SLC4A4: variants seen among roughly 807,000 people sequenced by gnomAD.
SLC4A4 encodes solute carrier family 4 member 4, also known as electrogenic sodium bicarbonate cotransporter 1.
Under a neutral mutation model 111.5 loss-of-function variants are expected in SLC4A4, and 27 were observed. The observed-to-expected ratio is 0.24, with a 90% CI of 0.18 to 0.33. The LOEUF (loss-of-function observed/expected upper bound fraction) is 0.33. Among genes scored for constraint, SLC4A4 ranks in the 10% least tolerant of loss-of-function variants. The pLI is 1.00. For missense variants in SLC4A4, 909 were observed against 1,315.5 expected, an observed-to-expected ratio of 0.69 and a Z score of 4.78; for synonymous variants, 443 against 463.4, an observed-to-expected ratio of 0.96 and a Z score of 0.57.
At chr4:71,487,123 C>A in intron 15 of SLC4A4, 105 bp downstream of exon 15, 1 of 688,612 alleles carries the variant, frequency 1.5e-6, no homozygotes, top group Admixed American at 2.1e-5. Flanking sequence ...GCAATTCTGG[C>A]ATGAACACAT....
chr4:71,268,136 A>C (rs1348964748), intron 3 of SLC4A4, among the ~76,000 whole-genome samples: 1 of 129,102 alleles, frequency 7.7e-6, no homozygotes, highest in East Asian at 2.6e-4. Flanking sequence ...TGGCATTGAC[A>C]CGTGAGGTGC....
intron 1 of SLC4A4, among the ~76,000 whole-genome samples, chr4:71,084,650 C>T (rs909660328): frequency 1.1e-4 from 17 of 151,998 alleles, no homozygotes; most frequent in Admixed American, 7.2e-4. Context: ...TAAGAACATG[C>T]GGTGTTTGGT....
intron 20 of SLC4A4, among the ~76,000 whole-genome samples, chr4:71,550,798 C>T (rs1735918541): frequency 6.6e-6 from 1 of 151,868 alleles, no homozygotes; most frequent in Admixed American, 6.6e-5. Context: ...GTTGTTTCTC[C>T]TGCCTGTTTA....
intron 1 of SLC4A4, chr4:71,233,151 T>C: frequency 2.7e-6 from 1 of 368,032 alleles, no homozygotes; most frequent in Non-Finnish European, 3.8e-6. Flanking sequence ...TGGATGTGAT[T>C]GCATTAGGCA....
chr4:71,378,514 C>A (rs1219055599), intron 6 of SLC4A4, among the ~76,000 whole-genome samples: 1 of 152,148 alleles, frequency 6.6e-6, no homozygotes, highest in Non-Finnish European at 1.5e-5. Context: ...AACTGATAGA[C>A]AGTCTTTCAT....
At position 71,308,654 on chromosome 4, in the gene SLC4A4, C is replaced by G. The variant is rs145926530; in HGVS notation, c.254-30716C>G. Among the ~76,000 whole-genome samples the G allele has an allele frequency of 1.3e-3, 197 of 152,274 alleles. 6 individuals are homozygous for G. The highest frequency in any genetic ancestry group is 3.4e-3 in the Middle Eastern group (1 of 294). The stretch of plus-strand genomic sequence containing the variant: ...ACTCCCTCCCCTAGCCAAGGAAAGC[C>G]GTGAGGGACTGTGCTATCTGGCCCA... On this transcript the variant is annotated intron_variant, in intron 3 of 25. Transcript: ENST00000264485.
At chr4:71,181,895 T>A (rs1745305615) in intron 2 of SLC4A4, among the ~76,000 whole-genome samples, 1 of 152,210 alleles carries the variant, frequency 6.6e-6, no homozygotes, top group African/African-American at 2.4e-5. Flanking sequence ...GATTCTACAA[T>A]TTCTCACTAT....
intron 1 of SLC4A4, among the ~76,000 whole-genome samples, chr4:71,203,954 G>A (rs1746368062): frequency 1.3e-5 from 2 of 152,122 alleles, no homozygotes; most frequent in Admixed American, 1.3e-4. Flanking sequence ...AGGCAGAAGA[G>A]GAAAGATACC....
At chr4:71,181,568 G>T (rs1219798622) in intron 2 of SLC4A4, among the ~76,000 whole-genome samples, 2 of 152,116 alleles carry the variant, frequency 1.3e-5, no homozygotes, top group East Asian at 3.9e-4. Flanking sequence ...AATTTGTGAA[G>T]CCTGAAATCT....
chr4:71,500,081 A>T (rs1395629936), intron 16 of SLC4A4, among the ~76,000 whole-genome samples: 11 of 152,140 alleles, frequency 7.2e-5, no homozygotes, highest in African/African-American at 2.7e-4. Context: ...CCACATCATC[A>T]CCAACACTTA....
At chr4:71,353,132 G>T (rs1469287076) in intron 5 of SLC4A4, among the ~76,000 whole-genome samples, 1 of 152,146 alleles carries the variant, frequency 6.6e-6, no homozygotes, top group Admixed American at 6.5e-5. Context: ...TATAAGAGAG[G>T]TTAGCCAAGC....
intron 14 of SLC4A4, among the ~76,000 whole-genome samples, chr4:71,482,913 C>A (rs765565027): frequency 4.6e-5 from 7 of 151,594 alleles, no homozygotes; most frequent in Non-Finnish European, 8.9e-5. Context: ...TAAACTATAA[C>A]CCTGGGCAAG....
At chr4:71,327,076 G>C (rs548783074) in intron 3 of SLC4A4, among the ~76,000 whole-genome samples, 1 of 151,982 alleles carries the variant, frequency 6.6e-6, no homozygotes, top group Admixed American at 6.6e-5. Flanking sequence ...TTTATATGTA[G>C]ACTTGTCATG....
At chr4:71,435,894 A>T (rs532926248) in intron 7 of SLC4A4, among the ~76,000 whole-genome samples, 48 of 152,360 alleles carry the variant, frequency 3.2e-4, no homozygotes, top group South Asian at 8.3e-4. Context: ...CGATCATTAA[A>T]AAGTCAGGAA....
intron 1 of SLC4A4, among the ~76,000 whole-genome samples, chr4:71,090,523 T>C (rs755693986): frequency 6.6e-6 from 1 of 152,150 alleles, no homozygotes; most frequent in Non-Finnish European, 1.5e-5. Context: ...GAAATAAAAA[T>C]GTATGTGTTA....
At chr4:71,323,847 A>C (rs1727302769) in intron 3 of SLC4A4, among the ~76,000 whole-genome samples, 1 of 151,526 alleles carries the variant, frequency 6.6e-6, no homozygotes, top group Non-Finnish European at 1.5e-5. Flanking sequence ...GGCATCCCCA[A>C]ACTACTGTGT....
chr4:71,519,479 A>C (rs1180598630), intron 16 of SLC4A4, among the ~76,000 whole-genome samples: 1 of 152,252 alleles, frequency 6.6e-6, no homozygotes, highest in Non-Finnish European at 1.5e-5. Flanking sequence ...CAAATTATAA[A>C]ATACACAGAG....
chr4:71,141,350 C>T (rs191579259), intron 2 of SLC4A4, among the ~76,000 whole-genome samples: 113 of 152,324 alleles, frequency 7.4e-4, no homozygotes, highest in African/African-American at 2.6e-3. Context: ...ACATACAGAG[C>T]CATGTTTACA....
intron 7 of SLC4A4, among the ~76,000 whole-genome samples, chr4:71,438,545 A>G (rs548249240): frequency 1.3e-5 from 2 of 152,216 alleles, no homozygotes; most frequent in East Asian, 1.9e-4. Flanking sequence ...TTCCTTCTTC[A>G]TGAAAATGAT....
Sources: gnomAD v4.1 joint callset for allele counts (sites outside exome capture counted in the v4.1 genomes callset) on GRCh38, gnomAD v4.1.1 for gene constraint, MANE v1.5 for transcripts, NCBI Gene and HGNC (gene_info 2026-07-23, HGNC 2026-07-21) for gene names.